ALK: variants seen among roughly 807,000 people sequenced by gnomAD.
ALK encodes ALK tyrosine kinase receptor.
In ALK, 74 loss-of-function variants were observed where a neutral mutation model predicts 163.1. The observed-to-expected ratio is 0.45, with a 90% confidence interval of 0.38 to 0.55. The LOEUF is 0.55. Ranked by LOEUF, ALK falls within the 20% of genes least tolerant of loss-of-function variation. The pLI is 0.00. For synonymous variants in ALK, 960 were observed against 843.2 expected (o/e 1.14, Z -2.40); for missense variants, 2,063 against 2,105.3 (o/e 0.98, Z 0.39).
In ALK at chr2:29,227,458, C is replaced by T; in HGVS notation, c.2914+116G>A. On this transcript the variant is annotated intron_variant, in intron 17 of 28. Coordinates refer to ENST00000389048, the MANE Select transcript of ALK (RefSeq NM_004304.5). The surrounding 1 kb of genome is among the most constrained non-coding windows in gnomAD (Gnocchi z 4.4). Reference sequence around the variant, plus strand: ...CCTGCGCCATAGGAAGCTTGCCTGCCAGGGACCCATAATTGTGCCTCTGTA... The same window carrying T: ...CCTGCGCCATAGGAAGCTTGCCTGCTAGGGACCCATAATTGTGCCTCTGTA... 2 of 954,768 alleles carry T rather than the reference C, an allele frequency of 2.1e-6. No homozygotes were observed. Among genetic ancestry groups the T allele is most frequent in the African/African-American group, 1.6e-5 (1 of 62,200 alleles). 59.1% of individuals were successfully genotyped at this position (954,768 alleles called of 1,614,324 possible). A position where few individuals can be genotyped will look rare whatever the true frequency, so the allele number is the denominator to read the frequency against.
intron 4 of ALK, among the ~76,000 whole-genome samples, chr2:29,394,838 A>G (rs866216548): frequency 1.3e-5 from 2 of 151,132 alleles, no homozygotes; most frequent in African/African-American, 4.9e-5. Context: ...TTCAAATACA[A>G]TCTTTTCTTT....
chr2:29,640,726 C>T (rs562866123), intron 3 of ALK, among the ~76,000 whole-genome samples: 44 of 152,112 alleles, frequency 2.9e-4, no homozygotes, highest in Middle Eastern at 3.4e-3. Flanking sequence ...CAGTTATGTC[C>T]TTTTGGGGCT....
At chr2:29,552,233 C>T (rs925986084) in intron 3 of ALK, among the ~76,000 whole-genome samples, 53 of 152,280 alleles carry the variant, frequency 3.5e-4, no homozygotes, top group African/African-American at 1.2e-3. Flanking sequence ...TACCACATTT[C>T]GTTTATCCAT....
At chr2:29,220,526 A>G (rs1669771864) in intron 23 of ALK, among the ~76,000 whole-genome samples, 180 bp downstream of exon 23, 1 of 152,168 alleles carries the variant, frequency 6.6e-6, no homozygotes, top group South Asian at 2.1e-4. Context: ...CTCAGCCATC[A>G]TCTACCTCTA....
chr2:29,266,769 G>C (rs1318888653), intron 11 of ALK, among the ~76,000 whole-genome samples: 4 of 152,178 alleles, frequency 2.6e-5, no homozygotes, highest in African/African-American at 9.7e-5. Context: ...GGTGCTTCGT[G>C]ACTATTTAAG....
chr2:29,904,711 A>T (rs1667494684), intron 1 of ALK, among the ~76,000 whole-genome samples: 1 of 152,208 alleles, frequency 6.6e-6, no homozygotes, highest in Admixed American at 6.5e-5. Flanking sequence ...GAATGTCTGG[A>T]GCTGGGTGTC....
At chr2:29,363,427 T>G (rs555617107) in intron 5 of ALK, among the ~76,000 whole-genome samples, 1 of 152,358 alleles carries the variant, frequency 6.6e-6, no homozygotes, top group Non-Finnish European at 1.5e-5. Context: ...CAGAGAGGTC[T>G]GTCTCCTGAC....
At chr2:29,226,887 G>A in intron 18 of ALK, 35 bp downstream of exon 18, 2 of 1,612,802 alleles carry the variant, frequency 1.2e-6, no homozygotes, top group Middle Eastern at 1.7e-4. Flanking sequence ...CTCAGGCTAT[G>A]GGCCCCTCTG....
At position 29,764,432 on chromosome 2, in the gene ALK, A is replaced by G. The variant is rs143489142; in HGVS notation, c.668-46735T>C. 4.3e-3 allele frequency among the ~76,000 whole-genome samples: 655 copies of G among 152,334 alleles called. 4 individuals carry two copies. Among genetic ancestry groups the G allele is most frequent in the African/African-American group, 0.015 (617 of 41,584 alleles). ...TGGCCATGGTAGGAGTATTTACACC[A>G]CAAATATCAGTGAACGTCCCAAATC... On this transcript the variant is annotated intron_variant, in intron 1 of 28. Coordinates refer to ENST00000389048, the MANE Select transcript of ALK (RefSeq NM_004304.5).
At chr2:29,889,519 A>G (rs1320826311) in intron 1 of ALK, among the ~76,000 whole-genome samples, 2 of 144,214 alleles carry the variant, frequency 1.4e-5, no homozygotes, top group Non-Finnish European at 3.1e-5. Context: ...ATGGATGGAT[A>G]GATAGATAGA....
chr2:29,297,976 A>G (rs987704448), intron 8 of ALK, among the ~76,000 whole-genome samples: 2 of 152,224 alleles, frequency 1.3e-5, no homozygotes, highest in African/African-American at 4.8e-5. Flanking sequence ...GTCAGAGTAA[A>G]GGTACCCCCT....
intron 1 of ALK, among the ~76,000 whole-genome samples, chr2:29,730,217 G>T (rs1330227187): frequency 6.6e-5 from 10 of 152,214 alleles, no homozygotes; most frequent in Admixed American, 6.5e-4. Flanking sequence ...GCTGGGATGT[G>T]AGTGCAGGAT....
intron 4 of ALK, among the ~76,000 whole-genome samples, chr2:29,463,248 C>T (rs1466102827): frequency 2.0e-5 from 3 of 152,176 alleles, no homozygotes; most frequent in Non-Finnish European, 2.9e-5. Context: ...TTAGTGCTTA[C>T]GTGCTCCCTT....
intron 5 of ALK, among the ~76,000 whole-genome samples, chr2:29,343,080 G>T (rs568596025): frequency 6.6e-6 from 1 of 151,124 alleles, no homozygotes; most frequent in South Asian, 2.1e-4. Flanking sequence ...TAGAGATGGG[G>T]TTTCACCATG....
chr2:29,822,193 C>T (rs4629120), intron 1 of ALK, among the ~76,000 whole-genome samples: 47,123 of 152,052 alleles, frequency 0.31, 7,610 homozygotes, highest in East Asian at 0.4. Context: ...GACTGAATGG[C>T]GAATAATCCA....
chr2:29,302,732 A>G (rs1666405167), intron 8 of ALK, among the ~76,000 whole-genome samples: 2 of 151,836 alleles, frequency 1.3e-5, no homozygotes, highest in African/African-American at 4.8e-5. Context: ...TTTTTTGGCC[A>G]TTTTTTTTCA....
At chr2:29,723,039 A>C (rs2541197) in intron 1 of ALK, among the ~76,000 whole-genome samples, 100,534 of 151,522 alleles carry the variant, frequency 0.66, 36,883 homozygotes, top group Non-Finnish European at 0.82. Context: ...CTATGAGCTC[A>C]AAGAGGGCCC....
chr2:29,607,016 C>A (rs938702477), intron 3 of ALK, among the ~76,000 whole-genome samples: 1 of 152,244 alleles, frequency 6.6e-6, no homozygotes, highest in Non-Finnish European at 1.5e-5. Flanking sequence ...CTTAAACTCA[C>A]CTGACCTATC....
intron 3 of ALK, among the ~76,000 whole-genome samples, chr2:29,630,702 AT>A (rs1232273149): frequency 6.6e-6 from 1 of 152,126 alleles, no homozygotes; most frequent in Non-Finnish European, 1.5e-5. Context: ...GAAGAGTTAT[AT>A]TTTCACAGGA....
Sources: allele counts gnomAD v4.1 joint callset (sites outside exome capture counted in the v4.1 genomes callset), GRCh38; gene constraint gnomAD v4.1.1; non-coding constraint Gnocchi (gnomAD v3.1); transcripts MANE v1.5; gene names NCBI Gene and HGNC (gene_info 2026-07-23, HGNC 2026-07-21).